The following POU6F2 variants were observed in gnomAD, a reference collection of about 807,000 sequenced individuals.
POU6F2 encodes POU class 6 homeobox 2.
Under a neutral mutation model 71.3 loss-of-function variants are expected in POU6F2, and 31 were observed. The ratio of observed to expected loss-of-function variants is 0.43; its 90% CI spans 0.33 to 0.59. POU6F2 has a LOEUF of 0.59. Among genes scored for constraint, POU6F2 ranks in the 20% least tolerant of loss-of-function variants. The pLI, the probability that POU6F2 is intolerant of heterozygous loss-of-function variation, is 0.04. For synonymous variants in POU6F2, 347 were observed against 355.7 expected, an observed-to-expected ratio of 0.98 and a Z score of 0.27; for missense variants, 783 against 856.8, an observed-to-expected ratio of 0.91 and a Z score of 1.07.
At chr7:39,176,939 A>G (rs1055055737) in intron 2 of POU6F2, among the ~76,000 whole-genome samples, 4 of 152,212 alleles carry the variant, frequency 2.6e-5, no homozygotes, top group African/African-American at 9.6e-5. Flanking sequence ...CCTTATTTAG[A>G]AACTTGCCCA....
chr7:39,026,716 A>G (rs926960113), intron 1 of POU6F2, among the ~76,000 whole-genome samples: 1 of 152,142 alleles, frequency 6.6e-6, no homozygotes, highest in Non-Finnish European at 1.5e-5. Context: ...TAACCTGCAC[A>G]TTGTGCACAT....
chr7:39,428,398 G>A (rs1051380833), intron 6 of POU6F2, among the ~76,000 whole-genome samples: 1 of 152,190 alleles, frequency 6.6e-6, no homozygotes, highest in Non-Finnish European at 1.5e-5. Flanking sequence ...ACTGGTATGG[G>A]CCTTGGCCTG....
chr7:39,227,846 C>A (rs1794500775), intron 4 of POU6F2, among the ~76,000 whole-genome samples: 2 of 152,142 alleles, frequency 1.3e-5, no homozygotes, highest in Admixed American at 6.5e-5. Flanking sequence ...CATGAGCCAC[C>A]GTGCCCGGCA....
chr7:39,284,843 C>A (rs1784623304), intron 4 of POU6F2, among the ~76,000 whole-genome samples: 1 of 152,168 alleles, frequency 6.6e-6, no homozygotes, highest in African/African-American at 2.4e-5. Flanking sequence ...GTTTCCTCCT[C>A]CTCTGACCAT....
intron 5 of POU6F2, among the ~76,000 whole-genome samples, chr7:39,402,057 CAA>C (rs1374484928): frequency 5.3e-5 from 8 of 152,138 alleles, no homozygotes; most frequent in African/African-American, 1.9e-4. Flanking sequence ...ATTTGCATGA[CAA>C]ATATTATGAC....
chr7:39,278,738 CAG>C (rs777249000), intron 4 of POU6F2, among the ~76,000 whole-genome samples: 1 of 152,142 alleles, frequency 6.6e-6, no homozygotes, highest in Non-Finnish European at 1.5e-5. Context: ...CGCTGGCATA[CAG>C]GGGGCTATAC....
At chr7:39,189,025 T>A (rs370832199) in intron 2 of POU6F2, among the ~76,000 whole-genome samples, 2 of 152,130 alleles carry the variant, frequency 1.3e-5, no homozygotes, top group East Asian at 3.8e-4. Context: ...TGGTTTGGGG[T>A]CCATCATATA....
At chr7:39,369,599 G>A (rs1256679253) in intron 5 of POU6F2, among the ~76,000 whole-genome samples, 4 of 151,984 alleles carry the variant, frequency 2.6e-5, no homozygotes, top group Admixed American at 2.6e-4. Context: ...CCTGACCTCA[G>A]GGGATCTGCC....
intron 1 of POU6F2, among the ~76,000 whole-genome samples, chr7:39,053,059 G>A (rs1051549212): frequency 6.6e-6 from 1 of 151,988 alleles, no homozygotes; most frequent in Non-Finnish European, 1.5e-5. Context: ...AGGGGTGTGG[G>A]GTATATTGAA....
rs1022996440 is a variant in POU6F2, at chr7:39,258,942, C to T, written c.598+51322C>T. 2.6e-5 allele frequency among the ~76,000 whole-genome samples: 4 copies of T among 152,262 alleles called. No individual in the cohort carries two copies. In the East Asian group the frequency reaches 5.8e-4, roughly 22 times the overall value. ...ACATATTACACTTCTCCCAGTATAACGTAGCGTTCTGGGTGAATTGCACCT... is the reference window on the plus strand; with the variant it reads ...ACATATTACACTTCTCCCAGTATAATGTAGCGTTCTGGGTGAATTGCACCT... On this transcript the variant is annotated intron_variant, in intron 4 of 9. Transcript: ENST00000518318.
intron 8 of POU6F2, among the ~76,000 whole-genome samples, chr7:39,453,840 A>G (rs997410195): frequency 2.6e-5 from 4 of 152,154 alleles, no homozygotes; most frequent in Non-Finnish European, 5.9e-5. Flanking sequence ...ACCACATGCA[A>G]TTGAAGCCGG....
At chr7:39,089,070 A>G (rs773914441) in intron 2 of POU6F2, among the ~76,000 whole-genome samples, 13 of 152,206 alleles carry the variant, frequency 8.5e-5, no homozygotes, top group Non-Finnish European at 1.8e-4. Context: ...AGAAAGGAGA[A>G]GCCATATGCC....
intron 2 of POU6F2, among the ~76,000 whole-genome samples, chr7:39,190,381 A>G (rs890619739): frequency 7.4e-6 from 1 of 134,824 alleles, no homozygotes; most frequent in Non-Finnish European, 1.5e-5. Flanking sequence ...CTCAGGTTTG[A>G]ATCCCAACTC....
At chr7:39,286,169 G>T (rs1784646421) in intron 4 of POU6F2, among the ~76,000 whole-genome samples, 1 of 152,116 alleles carries the variant, frequency 6.6e-6, no homozygotes, top group Non-Finnish European at 1.5e-5. Context: ...CTGAAATAAT[G>T]ATTTATACGG....
chr7:39,383,497 C>A (rs1786871351), intron 5 of POU6F2, among the ~76,000 whole-genome samples: 1 of 152,080 alleles, frequency 6.6e-6, no homozygotes, highest in Non-Finnish European at 1.5e-5. Flanking sequence ...ATCTAAGACC[C>A]CCAATTAGAT....
At chr7:39,210,325 A>C (rs561774279) in intron 4 of POU6F2, among the ~76,000 whole-genome samples, 1 of 152,222 alleles carries the variant, frequency 6.6e-6, no homozygotes, top group Non-Finnish European at 1.5e-5. Context: ...AGTTCGGCCA[A>C]CTGGAATTAT....
intron 5 of POU6F2, among the ~76,000 whole-genome samples, chr7:39,390,659 C>T (rs1364129943): frequency 6.6e-6 from 1 of 152,120 alleles, no homozygotes; most frequent in East Asian, 1.9e-4. Flanking sequence ...AAATTTCTTC[C>T]ATTAGTGCAT....
chr7:39,412,197 ATGTGG>A (rs1197265947), intron 6 of POU6F2, among the ~76,000 whole-genome samples: 1 of 152,208 alleles, frequency 6.6e-6, no homozygotes, highest in Admixed American at 6.5e-5. Context: ...GCGGGGTTAA[ATGTGG>A]TAGAAAAAGT....
intron 7 of POU6F2, among the ~76,000 whole-genome samples, chr7:39,447,762 T>C (rs1376397622): frequency 6.6e-6 from 1 of 152,192 alleles, no homozygotes; most frequent in East Asian, 1.9e-4. Flanking sequence ...ATTCCCTAAC[T>C]CCCTGCATTT....
Sources: gnomAD v4.1 joint callset for allele counts (sites outside exome capture counted in the v4.1 genomes callset) on GRCh38, gnomAD v4.1.1 for gene constraint, MANE v1.5 for transcripts, NCBI Gene and HGNC (gene_info 2026-07-23, HGNC 2026-07-21) for gene names.